The following DAZAP1 variants were observed in gnomAD, a reference collection of about 807,000 sequenced individuals.
DAZAP1 encodes DAZ-associated protein 1.
In DAZAP1, 6 loss-of-function variants were observed where a neutral mutation model predicts 60.1. The observed-to-expected ratio is 0.10, with a 90% CI of 0.05 to 0.20. DAZAP1 has a LOEUF of 0.20. Among genes scored for constraint, DAZAP1 ranks in the 10% least tolerant of loss-of-function variants. The probability of loss-of-function intolerance (pLI) is 1.00; values close to 1 mark genes in which losing one functional copy is unlikely to be tolerated. For synonymous variants in DAZAP1, 235 were observed against 215.9 expected (o/e 1.09, Z -0.78); for missense variants, 366 against 560.4 (o/e 0.65, Z 3.50).
intron 8 of DAZAP1, 57 bp from the exon 9 acceptor site, chr19:1,429,910 C>T (rs1372423669): frequency 4.1e-5 from 64 of 1,551,104 alleles, no homozygotes; most frequent in Non-Finnish European, 5.5e-5. Context: ...GGCTCCTTCT[C>T]TGCGTCGGAC....
Position 1,432,387 on chromosome 19 carries a change from G to A in DAZAP1, c.872-127G>A. ...CATTCTGTGGATGTCCACAAGGCCT[G>A]GGCGTTCTGTGGGTTTGGGTGGCAG... On this transcript the variant is annotated intron_variant, in intron 10 of 11. Transcript: ENST00000233078. This position sits in a 1 kb window ranked among gnomAD's most constrained non-coding sequence, Gnocchi z 4.9. 2 of 956,546 alleles carry A rather than the reference G, an allele frequency of 2.1e-6. No homozygotes were observed. Among genetic ancestry groups the A allele is most frequent in the South Asian group, 1.4e-5 (1 of 71,316 alleles). The allele number at this position is 956,546 out of a possible 1,614,324, so 59.3% of individuals were successfully genotyped here. A position where few individuals can be genotyped will look rare whatever the true frequency, so the allele number is the denominator to read the frequency against.
chr19:1,430,711 A>G (rs368062159), intron 10 of DAZAP1, among the ~76,000 whole-genome samples: 113 of 149,804 alleles, frequency 7.5e-4, no homozygotes, highest in African/African-American at 2.6e-3. Context: ...AAGGGTGTAC[A>G]AGCTCTAATT....
At position 1,432,558 on chromosome 19, in the gene DAZAP1, C is replaced by T. The variant is rs749340249; in HGVS notation, c.916C>T (p.Pro306Ser). ...ACCTCCACCGCCAGATCAGTTTGCC[C>T]CTCCGGGGGTTCCTCCTCCACCAGC... ...PPPPPPDQFAPPGVPPPPATP... is the reference protein window; with the variant it reads ...PPPPPPDQFASPGVPPPPATP... Residue 306 changes from proline (P) to serine (S), a missense_variant, in exon 11 of 12, where the codon CCT (proline) becomes TCT (serine). Coordinates refer to ENST00000233078, the MANE Select transcript of DAZAP1 (RefSeq NM_018959.4). This position sits in a 1 kb window ranked among gnomAD's most constrained non-coding sequence, Gnocchi z 4.9. 5 of 1,613,692 alleles carry T rather than the reference C, an allele frequency of 3.1e-6. No individual in the cohort carries two copies. The South Asian group carries it at 5.5e-5, about 18-fold the overall frequency.
At position 1,407,619 on chromosome 19, in the gene DAZAP1, AGCCGCCGCCGCCGCCGCCGCCGCC is replaced by A. The variant is rs878911770; in HGVS notation, c.-135_-112del. The stretch of plus-strand genomic sequence containing the variant: ...ACCGTTGGCGCCGAGGGGAGGAGGC[AGCCGCCGCCGCCGCCGCCGCCGCC>A]GCCGCCGCCGCCGCCGCCGTTGCGC... On this transcript the variant is annotated 5_prime_UTR_variant, in exon 1 of 12. Coordinates refer to ENST00000233078, the MANE Select transcript of DAZAP1 (RefSeq NM_018959.4). 45 of 239,798 alleles carry A rather than the reference AGCCGCCGCCGCCGCCGCCGCCGCC, an allele frequency of 1.9e-4. No homozygotes were observed. The highest frequency in any genetic ancestry group is 2.7e-4 in the Non-Finnish European group (42 of 155,066). The allele number at this position is 239,798 out of a possible 1,614,324, so 14.9% of individuals were successfully genotyped here. A position where few individuals can be genotyped will look rare whatever the true frequency, so the allele number is the denominator to read the frequency against.
intron 6 of DAZAP1, among the ~76,000 whole-genome samples, chr19:1,424,514 G>A (rs536355733): frequency 2.6e-5 from 4 of 151,274 alleles, no homozygotes; most frequent in East Asian, 2.0e-4. Context: ...ATCTTTCCCC[G>A]CCCCCAGTTT....
chr19:1,415,394 G>C (rs147515567), intron 1 of DAZAP1, among the ~76,000 whole-genome samples: 6 of 69,838 alleles, frequency 8.6e-5, no homozygotes, highest in Non-Finnish European at 1.6e-4. Context: ...TGTGTGTTTT[G>C]TTTTTTTTTT....
At chr19:1,421,071 C>A (rs2083141271) in intron 4 of DAZAP1, 77 bp from the exon 5 acceptor site, 1 of 1,333,704 alleles carries the variant, frequency 7.5e-7, no homozygotes, top group Non-Finnish European at 1.1e-6. Flanking sequence ...CGCGGATTGG[C>A]CTTTATGTCC....
intron 1 of DAZAP1, among the ~76,000 whole-genome samples, chr19:1,411,979 G>A (rs957085910): frequency 3.3e-5 from 5 of 152,238 alleles, no homozygotes; most frequent in Admixed American, 2.0e-4. Flanking sequence ...TTTGGCAGAG[G>A]CCAGTCATTC....
rs1279944021 is a variant in DAZAP1, at chr19:1,435,122, G to A, written c.*210G>A. ...TAACCCATCAGCACAATAAAAAAAA[G>A]TCACTGGTTCAACAACAGGGTTTAA... On this transcript the variant is annotated 3_prime_UTR_variant, in exon 12 of 12. Transcript: ENST00000233078. 9 of 351,468 alleles carry A rather than the reference G, an allele frequency of 2.6e-5. No individual in the cohort carries two copies. The highest frequency in any genetic ancestry group is 4.5e-5 in the Non-Finnish European group (9 of 199,462). 21.8% of individuals were successfully genotyped at this position (351,468 alleles called of 1,614,324 possible). A position where few individuals can be genotyped will look rare whatever the true frequency, so the allele number is the denominator to read the frequency against.
Position 1,434,867 on chromosome 19 carries a change from A to C in DAZAP1, c.1179A>C (p.Arg393=). 6.3e-7 allele frequency: 1 copy of C among 1,595,446 alleles called. No homozygotes were observed. The highest frequency in any genetic ancestry group is 8.5e-7 in the Non-Finnish European group (1 of 1,171,732). ...GPPAGGSGFG[R]GQNHNVQGFH... ...CCGCCGGCGGCAGCGGCTTTGGACG[A>C]GGGCAGAACCACAACGTGCAAGGGT... The change falls in exon 12 of 12, where the codon CGA becomes CGC. Residue 393 remains arginine, a synonymous_variant. Transcript: ENST00000233078. This position sits in a 1 kb window ranked among gnomAD's most constrained non-coding sequence, Gnocchi z 8.0.
At chr19:1,410,969 A>C (rs1277235567) in intron 1 of DAZAP1, among the ~76,000 whole-genome samples, 2 of 152,232 alleles carry the variant, frequency 1.3e-5, no homozygotes, top group African/African-American at 2.4e-5. Flanking sequence ...GCTCAGAGCC[A>C]GGCCCATGGC....
In DAZAP1 at chr19:1,420,485, A is replaced by G. The variant is rs1034717435; in HGVS notation, c.304-663A>G. Among the ~76,000 whole-genome samples, 159 of 139,506 alleles carry G rather than the reference A, an allele frequency of 1.1e-3. 2 individuals carry two copies. Among genetic ancestry groups the G allele is most frequent in the Admixed American group, 8.4e-3 (119 of 14,136 alleles). 91.5% of individuals were successfully genotyped at this position (139,506 alleles called of 152,430 possible). On this transcript the variant is annotated intron_variant, in intron 4 of 11. Coordinates refer to ENST00000233078, the MANE Select transcript of DAZAP1 (RefSeq NM_018959.4). The stretch of plus-strand genomic sequence containing the variant: ...TAAAATGTGATAGCCTTGGATAGGG[A>G]AAAAAAAAAAAAAGGATGGTTGGTG...
intron 8 of DAZAP1, among the ~76,000 whole-genome samples, chr19:1,429,652 C>A (rs1021778803): frequency 1.3e-5 from 2 of 152,182 alleles, no homozygotes; most frequent in East Asian, 1.9e-4. Flanking sequence ...CCTGCCCTCT[C>A]GAGGCTTAGA....
chr19:1,407,662 G>GCCT lies in DAZAP1; in HGVS notation c.-112_-111insCCT, dbSNP rs1425116528. ...CGCCGCCGCCGCCGCCGCCGCCGCC[G>GCCT]TTGCGCAGATCCGGGCCGCGGCTGT... is the stretch of plus-strand genomic sequence containing the variant. On this transcript the variant is annotated 5_prime_UTR_variant, in exon 1 of 12. Transcript: ENST00000233078. The GCCT allele has an allele frequency of 1.7e-5, 16 of 957,188 alleles. 1 individual carries two copies. Among genetic ancestry groups the GCCT allele is most frequent in the Middle Eastern group, 5.1e-4 (1 of 1,972 alleles). The allele number at this position is 957,188 out of a possible 1,614,324, so 59.3% of individuals were successfully genotyped here. A position where few individuals can be genotyped will look rare whatever the true frequency, so the allele number is the denominator to read the frequency against.
In DAZAP1 at chr19:1,418,799, T is replaced by G; in HGVS notation, c.303+68T>G. On this transcript the variant is annotated intron_variant, in intron 4 of 11. Coordinates refer to ENST00000233078, the MANE Select transcript of DAZAP1 (RefSeq NM_018959.4). This position sits in a 1 kb window ranked among gnomAD's most constrained non-coding sequence, Gnocchi z 5.7. Reference sequence around the variant, plus strand: ...CCACGTGGAAAGGAAATGCGTGCCTTCAATCTGCTGTTGTCGCTCGTTAAG... The same window carrying G: ...CCACGTGGAAAGGAAATGCGTGCCTGCAATCTGCTGTTGTCGCTCGTTAAG... 2.2e-5 allele frequency: 33 copies of G among 1,471,784 alleles called. No homozygotes were observed. Among genetic ancestry groups the G allele is most frequent in the Non-Finnish European group, 3.0e-5 (33 of 1,085,902 alleles). The allele number at this position is 1,471,784 out of a possible 1,614,324, so 91.2% of individuals were successfully genotyped here. A position where few individuals can be genotyped will look rare whatever the true frequency, so the allele number is the denominator to read the frequency against.
At position 1,413,954 on chromosome 19, in the gene DAZAP1, T is replaced by C. The variant is rs567699533; in HGVS notation, c.30-3546T>C. 3.3e-5 allele frequency among the ~76,000 whole-genome samples: 5 copies of C among 151,988 alleles called. No individual in the cohort carries two copies. In the South Asian group the frequency reaches 8.3e-4, roughly 25 times the overall value. On this transcript the variant is annotated intron_variant, in intron 1 of 11. Coordinates refer to ENST00000233078, the MANE Select transcript of DAZAP1 (RefSeq NM_018959.4). ...CACCATTGGCTGACATTTTACCCTT[T>C]GGCACGTGGTGCCTCTTGCCCCACC... is the stretch of plus-strand genomic sequence containing the variant.
intron 6 of DAZAP1, among the ~76,000 whole-genome samples, chr19:1,424,168 G>A (rs1260702216): frequency 6.6e-6 from 1 of 151,996 alleles, no homozygotes; most frequent in Non-Finnish European, 1.5e-5. Context: ...GGCACACAGT[G>A]TCTGTGCGGG....
intron 1 of DAZAP1, among the ~76,000 whole-genome samples, chr19:1,415,290 A>G (rs2144742616): frequency 6.8e-6 from 1 of 147,738 alleles, no homozygotes; most frequent in Non-Finnish European, 1.5e-5. Flanking sequence ...GGGTGGGTGC[A>G]GTGCTGACTA....
intron 1 of DAZAP1, 67 bp downstream of exon 1, chr19:1,407,869 C>G: frequency 1.9e-6 from 2 of 1,041,344 alleles, no homozygotes; most frequent in South Asian, 4.4e-5. Flanking sequence ...CGCCGCCCGG[C>G]CTCAGACGCC....
Sources: gnomAD v4.1 joint callset for allele counts (sites outside exome capture counted in the v4.1 genomes callset) on GRCh38, gnomAD v4.1.1 for gene constraint, Gnocchi (gnomAD v3.1) non-coding constraint, MANE v1.5 for transcripts, NCBI Gene and HGNC (gene_info 2026-07-23, HGNC 2026-07-21) for gene names.